UNC45A: variants seen among roughly 807,000 people sequenced by gnomAD.
UNC45A encodes protein unc-45 homolog A.
Under a neutral mutation model 103.2 loss-of-function variants are expected in UNC45A, and 78 were observed. The observed-to-expected ratio is 0.76, with a 90% CI of 0.63 to 0.91. The LOEUF (loss-of-function observed/expected upper bound fraction) is 0.91, where lower values mean the gene tolerates loss of function less well. Ranked by LOEUF, UNC45A falls within the 40% of genes least tolerant of loss-of-function variation. The probability of loss-of-function intolerance (pLI) is 0.00; values close to 1 mark genes in which losing one functional copy is unlikely to be tolerated. For missense variants in UNC45A, 1,193 were observed against 1,224.8 expected, an observed-to-expected ratio of 0.97 and a Z score of 0.39; for synonymous variants, 495 against 504.6, an observed-to-expected ratio of 0.98 and a Z score of 0.25.
Position 90,935,652 on chromosome 15 carries a change from C to T in UNC45A, c.160C>T (p.Pro54Ser), listed in dbSNP as rs770313110. Reference sequence around the variant, plus strand: ...TCAGGCCCTGGGTCTGGACGCGACGCCCCAGGACCAGGCCGTTCTGCACCG... The same window carrying T: ...TCAGGCCCTGGGTCTGGACGCGACGTCCCAGGACCAGGCCGTTCTGCACCG... ...YTQALGLDATPQDQAVLHRNR... is the reference protein window; with the variant it reads ...YTQALGLDATSQDQAVLHRNR... The change falls in exon 2 of 20, where the codon CCC becomes TCC. Residue 54 changes from proline (P) to serine (S), a missense_variant. By Grantham distance (74) the Pro-to-Ser change is moderately conservative. Coordinates refer to ENST00000418476, the MANE Select transcript of UNC45A (RefSeq NM_018671.5). The T allele has an allele frequency of 7.5e-6, 12 of 1,607,024 alleles. No homozygotes were observed. Among genetic ancestry groups the T allele is most frequent in the Non-Finnish European group, 8.5e-6 (10 of 1,177,188 alleles).
chr15:90,946,924 T>C lies in UNC45A; in HGVS notation c.1500+10T>C. ...CATCCGGGCGCTAGTGGTGAGACGGTGGGCCTGGGGTGGGTGGGCAGGCAG... is the reference window on the plus strand; with the variant it reads ...CATCCGGGCGCTAGTGGTGAGACGGCGGGCCTGGGGTGGGTGGGCAGGCAG... On this transcript the variant is annotated intron_variant, in intron 10 of 19. Transcript: ENST00000418476. 1.2e-6 allele frequency: 1 copy of C among 816,066 alleles called. No individual in the cohort carries two copies. The highest frequency in any genetic ancestry group is 2.0e-6 in the Non-Finnish European group (1 of 512,162). 50.6% of individuals were successfully genotyped at this position (816,066 alleles called of 1,614,324 possible). A position where few individuals can be genotyped will look rare whatever the true frequency, so the allele number is the denominator to read the frequency against.
In UNC45A at chr15:90,950,611, C is replaced by T. The variant is rs760940169; in HGVS notation, c.2299C>T (p.Leu767Phe). The part of the protein sequence containing the change: ...LTNLAGISER[L>F]RQKILKEKAV... ...AAACCTGGCTGGGATCAGCGAGAGGCTCCGGTAAGGTCCCTTGGGATTGCG... is the reference window on the plus strand; with the variant it reads ...AAACCTGGCTGGGATCAGCGAGAGGTTCCGGTAAGGTCCCTTGGGATTGCG... The change falls in exon 17 of 20, where the codon CTC becomes TTC. Residue 767 changes from leucine to phenylalanine, a missense_variant. Transcript: ENST00000418476. 5 of 1,614,106 alleles carry T rather than the reference C, an allele frequency of 3.1e-6. No homozygotes were observed. In the East Asian group the frequency reaches 1.1e-4, roughly 36 times the overall value.
Position 90,946,776 on chromosome 15 carries a change from G to A in UNC45A, c.1362G>A (p.Gln454=). 1 of 1,614,244 alleles carries A rather than the reference G, an allele frequency of 6.2e-7. No homozygotes were observed. Among genetic ancestry groups the A allele is most frequent in the Admixed American group, 1.7e-5 (1 of 60,030 alleles). The stretch of plus-strand genomic sequence containing the variant: ...GTGCCTCTGAGCAGGAGGAGGAGCA[G>A]CTGGTGGCCGTGGAGGCTCTGATCC... The part of the protein sequence containing the change: ...ALCASEQEEE[Q]LVAVEALIHA... Residue 454 remains glutamine (Q), a synonymous_variant, in exon 10 of 20, where the codon CAG becomes CAA. Transcript: ENST00000418476.
upstream of UNC45A, chr15:90,930,812 C>T (rs949732742): frequency 6.7e-5 from 12 of 179,064 alleles, no homozygotes; most frequent in African/African-American, 2.9e-4. Flanking sequence ...GGGGTTGAGG[C>T]CCGCAACCTG....
rs764140964 is a variant in UNC45A, at chr15:90,936,405, A to C, written c.371A>C (p.Lys124Thr). ...DLQRCVSLEP[K>T]NKVFQEALRN... The stretch of plus-strand genomic sequence containing the variant: ...CAGAGATGTGTGAGCTTGGAGCCCA[A>C]GAACAAAGTTTTCCAGGAGGCCTTG... Residue 124 changes from lysine to threonine, a missense_variant, in exon 4 of 20, where the codon AAG (lysine) becomes ACG (threonine). Physicochemically the swap from Lys to Thr is moderately conservative, Grantham distance 78 (BLOSUM62 -1). Coordinates refer to ENST00000418476, the MANE Select transcript of UNC45A (RefSeq NM_018671.5). 3.3e-5 allele frequency: 53 copies of C among 1,614,120 alleles called. No individual in the cohort carries two copies. Among genetic ancestry groups the C allele is most frequent in the Admixed American group, 5.0e-5 (3 of 60,006 alleles).
At chr15:90,940,523 G>C (rs1383829764) in intron 6 of UNC45A, 50 bp downstream of exon 6, 1 of 1,567,730 alleles carries the variant, frequency 6.4e-7, no homozygotes, top group Non-Finnish European at 8.7e-7. Context: ...TTGTCTGTCT[G>C]TCCATCCATT....
intron 9 of UNC45A, 148 bp downstream of exon 9, chr15:90,945,211 C>CA (rs2036502744): frequency 8.8e-7 from 1 of 1,137,378 alleles, no homozygotes; most frequent in East Asian, 2.6e-5. Context: ...AAAGTGGCCC[C>CA]AAGGCCCACT....
intron 6 of UNC45A, among the ~76,000 whole-genome samples, chr15:90,941,639 G>A (rs900043353): frequency 2.6e-5 from 4 of 152,146 alleles, no homozygotes; most frequent in African/African-American, 7.2e-5. Flanking sequence ...GACCAAGCAG[G>A]CCTTCTAGGG....
chr15:90,935,214 C>T, upstream of UNC45A: 1 of 1,145,748 alleles, frequency 8.7e-7, no homozygotes, highest in Non-Finnish European at 1.3e-6. Flanking sequence ...CCCTCTCTGA[C>T]CCCACCTCCG....
Position 90,935,629 on chromosome 15 carries a change from A to G in UNC45A, c.137A>G (p.Gln46Arg). 6.2e-7 allele frequency: 1 copy of G among 1,612,892 alleles called. No homozygotes were observed. The highest frequency in any genetic ancestry group is 8.5e-7 in the Non-Finnish European group (1 of 1,179,582). ...DYGGALAAYT[Q>R]ALGLDATPQD... ...GGGGGCGCCCTGGCGGCCTACACTC[A>G]GGCCCTGGGTCTGGACGCGACGCCC... is the stretch of plus-strand genomic sequence containing the variant. The change falls in exon 2 of 20, where the codon CAG (glutamine) becomes CGG (arginine). Residue 46 changes from glutamine (Q) to arginine (R), a missense_variant. Transcript: ENST00000418476.
chr15:90,953,065 G>C lies in UNC45A; in HGVS notation c.2421+19G>C, dbSNP rs373729447. On this transcript the variant is annotated intron_variant, in intron 18 of 19. Transcript: ENST00000418476. ...CAAGGAGGTGAGGGTTGGTCTGGGT[G>C]CTCATGACAGGCGGGGATGCAGAGG... The C allele has an allele frequency of 5.5e-5, 89 of 1,613,486 alleles. No homozygotes were observed. The highest frequency in any genetic ancestry group is 6.9e-5 in the Non-Finnish European group (81 of 1,179,980).
chr15:90,937,082 A>G (rs1293957211), intron 4 of UNC45A, among the ~76,000 whole-genome samples: 1 of 152,228 alleles, frequency 6.6e-6, no homozygotes, highest in Non-Finnish European at 1.5e-5. Context: ...ATGGTGGTTC[A>G]TGCCTGTAAT....
At position 90,949,349 on chromosome 15, in the gene UNC45A, A is replaced by C. The variant is rs772651652; in HGVS notation, c.1912A>C (p.Lys638Gln). ...KPSFVRARVK[K>Q]LLAAGVVSAM... is the part of the protein sequence containing the mutation. ...AAGCTTCGTGCGGGCTCGGGTGAAG[A>C]AGCTGCTGGCAGCGGGTGTGGTGTC... The change falls in exon 14 of 20, where the codon AAG (lysine) becomes CAG (glutamine). Residue 638 changes from lysine (K) to glutamine (Q), a missense_variant. By Grantham distance (53) the Lys-to-Gln change is moderately conservative. Transcript: ENST00000418476. 1.9e-6 allele frequency: 3 copies of C among 1,613,434 alleles called. No individual in the cohort carries two copies. Among genetic ancestry groups the C allele is most frequent in the Non-Finnish European group, 2.5e-6 (3 of 1,179,986 alleles).
intron 8 of UNC45A, among the ~76,000 whole-genome samples, chr15:90,943,311 C>T (rs1007794921): frequency 6.6e-6 from 1 of 151,654 alleles, no homozygotes; most frequent in South Asian, 2.1e-4. Flanking sequence ...CATCGGCAGT[C>T]CTAGCTACTC....
chr15:90,952,734 C>T lies in UNC45A; in HGVS notation c.2304-195C>T, dbSNP rs546456959. The T allele has an allele frequency of 6.6e-4, 389 of 589,846 alleles. 2 individuals carry two copies. Among genetic ancestry groups the T allele is most frequent in the African/African-American group, 6.4e-3 (347 of 53,824 alleles). 36.5% of individuals were successfully genotyped at this position (589,846 alleles called of 1,614,324 possible). On this transcript the variant is annotated intron_variant, in intron 17 of 19. Transcript: ENST00000418476. Reference sequence around the variant, plus strand: ...GCCTCCACGCCCGGCCGAGATGCCACGCACTTTTAAATAACCAGATCTCAC... The same window carrying T: ...GCCTCCACGCCCGGCCGAGATGCCATGCACTTTTAAATAACCAGATCTCAC...
intron 4 of UNC45A, among the ~76,000 whole-genome samples, chr15:90,937,383 C>T (rs2036071494): frequency 6.6e-6 from 1 of 152,038 alleles, no homozygotes; most frequent in Non-Finnish European, 1.5e-5. Flanking sequence ...TATACAATAA[C>T]ACATATAGTA....
chr15:90,935,110 G>C, upstream of UNC45A: 1 of 598,064 alleles, frequency 1.7e-6, no homozygotes, highest in East Asian at 2.9e-5. Context: ...GGTCTCTGCG[G>C]GGACAGCTTA....
upstream of UNC45A, chr15:90,932,021 T>A (rs1423533350): frequency 1.2e-6 from 2 of 1,613,774 alleles, no homozygotes; most frequent in African/African-American, 2.7e-5. Context: ...CTAATCCCCA[T>A]CCCAGGCTCC....
chr15:90,940,716 C>T, intron 6 of UNC45A: 1 of 283,194 alleles, frequency 3.5e-6, no homozygotes, highest in African/African-American at 2.2e-5. Context: ...AGTTCAAGAC[C>T]AGCCTGGCCA....
Sources: allele counts gnomAD v4.1 joint callset (sites outside exome capture counted in the v4.1 genomes callset), GRCh38; gene constraint gnomAD v4.1.1; transcripts MANE v1.5; gene names NCBI Gene and HGNC (gene_info 2026-07-23, HGNC 2026-07-21).